TNRC18: variants seen among roughly 807,000 people sequenced by gnomAD.
The protein encoded by TNRC18 is trinucleotide repeat containing 18.
In TNRC18, 69 loss-of-function variants were observed where a neutral mutation model predicts 226.7. That is an observed-to-expected ratio of 0.30 (90% confidence interval 0.25 to 0.37). TNRC18 has a LOEUF of 0.37. Ranked by LOEUF, TNRC18 falls within the 10% of genes least tolerant of loss-of-function variation. The pLI is 1.00. For missense variants in TNRC18, 4,754 were observed against 4,256.6 expected (o/e 1.12, Z -3.25); for synonymous variants, 2,449 against 1,927.6 (o/e 1.27, Z -7.09).
At chr7:5,335,967 G>A (rs976735550) in intron 18 of TNRC18, among the ~76,000 whole-genome samples, 19 of 151,522 alleles carry the variant, frequency 1.3e-4, no homozygotes, top group African/African-American at 4.6e-4. Context: ...AGCACTTTGG[G>A]AGGCCAAGGC....
chr7:5,390,515 C>A lies in TNRC18; in HGVS notation c.457G>T (p.Asp153Tyr), dbSNP rs777770243. 6.2e-7 allele frequency: 1 copy of A among 1,613,658 alleles called. No individual in the cohort carries two copies. The highest frequency in any genetic ancestry group is 8.5e-7 in the Non-Finnish European group (1 of 1,179,812). The change falls in exon 4 of 30, where the codon GAT (aspartate) becomes TAT (tyrosine). Residue 153 changes from aspartate (D) to tyrosine (Y), a missense_variant. By Grantham distance (160) the Asp-to-Tyr change is radical. Transcript: ENST00000430969. ...CCTGGCCCCTGACCTTTCTGGGTAT[C>A]GAAAATGCTGGGCTGACCCAGCTGG... ...LSQLGQPSIF[D>Y]TQKGQGPGGD...
At chr7:5,330,058 C>A (rs908158514) in intron 19 of TNRC18, 10 of 464,936 alleles carry the variant, frequency 2.2e-5, no homozygotes, top group Non-Finnish European at 3.6e-5. Flanking sequence ...AGAACAGACA[C>A]TGTTAATGTG....
intron 17 of TNRC18, among the ~76,000 whole-genome samples, chr7:5,350,841 G>A (rs554717862): frequency 9.2e-5 from 14 of 152,252 alleles, no homozygotes; most frequent in South Asian, 4.1e-4. Context: ...AACAGAGCAC[G>A]ATGCTCCGTC....
chr7:5,330,924 C>T (rs1430179677), intron 19 of TNRC18, among the ~76,000 whole-genome samples: 2 of 152,200 alleles, frequency 1.3e-5, no homozygotes, highest in African/African-American at 2.4e-5. Flanking sequence ...ATCCACCCAC[C>T]TTGGCCTCCC....
chr7:5,343,300 G>A (rs1050336686), intron 18 of TNRC18, among the ~76,000 whole-genome samples: 3 of 152,124 alleles, frequency 2.0e-5, no homozygotes, highest in Non-Finnish European at 4.4e-5. Context: ...ATTGCAGTGA[G>A]CAGAGATCAC....
At position 5,394,331 on chromosome 7, in the gene TNRC18, A is replaced by T; in HGVS notation, c.343+109T>A. On this transcript the variant is annotated intron_variant, in intron 3 of 29. Transcript: ENST00000430969. This position sits in a 1 kb window ranked among gnomAD's most constrained non-coding sequence, Gnocchi z 4.5. ...CAACAGGGAAGCCAGGTGACCTGGG[A>T]CCCACCAGCCCCAGCTCAGCGATGA... is the stretch of plus-strand genomic sequence containing the variant. The T allele has an allele frequency of 9.2e-7, 1 of 1,083,540 alleles. No individual in the cohort carries two copies. Among genetic ancestry groups the T allele is most frequent in the Non-Finnish European group, 1.3e-6 (1 of 788,358 alleles). The allele number at this position is 1,083,540 out of a possible 1,614,324, so 67.1% of individuals were successfully genotyped here. A position where few individuals can be genotyped will look rare whatever the true frequency, so the allele number is the denominator to read the frequency against.
At chr7:5,316,705 G>A (rs1055140552) in intron 24 of TNRC18, among the ~76,000 whole-genome samples, 1 of 152,178 alleles carries the variant, frequency 6.6e-6, no homozygotes, top group Non-Finnish European at 1.5e-5. Flanking sequence ...AACCCTGAAG[G>A]ACACAAAGAA....
intron 17 of TNRC18, 100 bp from the exon 18 acceptor site, chr7:5,345,910 G>C (rs1447235350): frequency 6.9e-7 from 1 of 1,443,482 alleles, no homozygotes; most frequent in African/African-American, 1.4e-5. Flanking sequence ...CTCCAGCCTA[G>C]TCCCTCAGTC....
At chr7:5,398,069 T>C (rs1014776521) in intron 2 of TNRC18, among the ~76,000 whole-genome samples, 4 of 152,138 alleles carry the variant, frequency 2.6e-5, no homozygotes, top group African/African-American at 9.6e-5. Context: ...GGCTCGATCA[T>C]AGCTCGCTGC....
chr7:5,349,042 CA>C (rs1791507462), intron 17 of TNRC18, among the ~76,000 whole-genome samples: 1 of 152,178 alleles, frequency 6.6e-6, no homozygotes, highest in South Asian at 2.1e-4. Context: ...GCGCAGACTC[CA>C]GAAATCTTTC....
At position 5,377,253 on chromosome 7, in the gene TNRC18, G is replaced by GCAGGCC; in HGVS notation, c.2461+112_2461+117dup. 1 of 1,193,774 alleles carries GCAGGCC rather than the reference G, an allele frequency of 8.4e-7. No individual in the cohort carries two copies. Among genetic ancestry groups the GCAGGCC allele is most frequent in the Non-Finnish European group, 1.2e-6 (1 of 868,278 alleles). The allele number at this position is 1,193,774 out of a possible 1,614,324, so 73.9% of individuals were successfully genotyped here. ...TTCCTTCTTCCGACGAATGCGGGAGGCAGGCCCAGGCCCCCCAGGAAACGG... is the reference window on the plus strand; with the variant it reads ...TTCCTTCTTCCGACGAATGCGGGAGGCAGGCCCAGGCCCAGGCCCCCCAGGAAACGG... On this transcript the variant is annotated intron_variant, in intron 7 of 29. Transcript: ENST00000430969. This position sits in a 1 kb window ranked among gnomAD's most constrained non-coding sequence, Gnocchi z 5.8.
Position 5,307,794 on chromosome 7 carries a change from C to A in TNRC18, c.*312G>T. On this transcript the variant is annotated 3_prime_UTR_variant, in exon 30 of 30. Coordinates refer to ENST00000430969, the MANE Select transcript of TNRC18 (RefSeq NM_001080495.3). Reference sequence around the variant, plus strand: ...CCCCACGCAGCAGCAGCCTGGAGGGCCGGCCTGGCCAAGTGCTTGCAACGT... The same window carrying A: ...CCCCACGCAGCAGCAGCCTGGAGGGACGGCCTGGCCAAGTGCTTGCAACGT... The A allele has an allele frequency of 2.3e-6, 1 of 428,102 alleles. No individual in the cohort carries two copies. 26.5% of individuals were successfully genotyped at this position (428,102 alleles called of 1,614,324 possible). A position where few individuals can be genotyped will look rare whatever the true frequency, so the allele number is the denominator to read the frequency against.
At position 5,389,309 on chromosome 7, in the gene TNRC18, G is replaced by GC; in HGVS notation, c.514dup (p.Ala172GlyfsTer89). On this transcript the variant is annotated frameshift_variant, in exon 5 of 30. Coordinates refer to ENST00000430969, the MANE Select transcript of TNRC18 (RefSeq NM_001080495.3). LOFTEE classifies it high-confidence loss of function. The stretch of plus-strand genomic sequence containing the variant: ...CGCGTGAGAGTGCAGGGAGCCCGGA[G>GC]CCCCCGCGGTGGGCAGGTAGAAACC... 1 of 1,282,242 alleles carries GC rather than the reference G, an allele frequency of 7.8e-7. No individual in the cohort carries two copies. Among genetic ancestry groups the GC allele is most frequent in the Admixed American group, 3.9e-5 (1 of 25,700 alleles). The allele number at this position is 1,282,242 out of a possible 1,614,324, so 79.4% of individuals were successfully genotyped here.
At chr7:5,395,381 G>A (rs1780602323) in intron 2 of TNRC18, among the ~76,000 whole-genome samples, 1 of 152,226 alleles carries the variant, frequency 6.6e-6, no homozygotes, top group East Asian at 1.9e-4. Flanking sequence ...GCAGACTGCT[G>A]CTCAGAAACA....
At chr7:5,351,203 G>T (rs1373205088) in intron 17 of TNRC18, among the ~76,000 whole-genome samples, 1 of 152,050 alleles carries the variant, frequency 6.6e-6, no homozygotes, top group Non-Finnish European at 1.5e-5. Flanking sequence ...GGAGGGAGGG[G>T]AGGAGGTGGG....
In TNRC18 at chr7:5,387,904, G is replaced by A. The variant is rs1379047920; in HGVS notation, c.1920C>T (p.Ser640=). 2.5e-6 allele frequency: 4 copies of A among 1,592,098 alleles called. No homozygotes were observed. Among genetic ancestry groups the A allele is most frequent in the Admixed American group, 1.8e-5 (1 of 56,726 alleles). The part of the protein sequence containing the change: ...ASRAQARLPH[S]GGPAAGGGRQ... Reference sequence around the variant, plus strand: ...GGCCGCCGCCCGCTGCAGGGCCTCCGGAGTGTGGGAGACGGGCCTGGGCTC... The same window carrying A: ...GGCCGCCGCCCGCTGCAGGGCCTCCAGAGTGTGGGAGACGGGCCTGGGCTC... The change falls in exon 5 of 30, where the codon TCC becomes TCT. Residue 640 remains serine, a synonymous_variant. Coordinates refer to ENST00000430969, the MANE Select transcript of TNRC18 (RefSeq NM_001080495.3).
intron 19 of TNRC18, 44 bp downstream of exon 19, chr7:5,332,578 C>G: frequency 1.3e-6 from 2 of 1,497,356 alleles, no homozygotes; most frequent in Non-Finnish European, 1.8e-6. Flanking sequence ...CTCACGGAAC[C>G]CCAGGGACCC....
rs188606371 is a variant in TNRC18, at chr7:5,360,056, A to G, written c.4662-487T>C. Among the ~76,000 whole-genome samples the G allele has an allele frequency of 4.2e-3, 635 of 151,972 alleles. 3 individuals are homozygous for G. The highest frequency in any genetic ancestry group is 0.014 in the African/African-American group (591 of 41,462). ...TCCCGTGCGCAGTGGGGACACAGAC[A>G]TGGCTTAGAAGCCCCACTTGCTTGC... On this transcript the variant is annotated intron_variant, in intron 14 of 29. Coordinates refer to ENST00000430969, the MANE Select transcript of TNRC18 (RefSeq NM_001080495.3).
chr7:5,400,915 C>T (rs1242708333), intron 2 of TNRC18, among the ~76,000 whole-genome samples: 3 of 152,042 alleles, frequency 2.0e-5, no homozygotes, highest in Admixed American at 6.6e-5. Context: ...TGGTGGTGCA[C>T]GCCTGTAACC....
Sources: allele counts gnomAD v4.1 joint callset (sites outside exome capture counted in the v4.1 genomes callset), GRCh38; gene constraint gnomAD v4.1.1; non-coding constraint Gnocchi (gnomAD v3.1); transcripts MANE v1.5; gene names NCBI Gene and HGNC (gene_info 2026-07-23, HGNC 2026-07-21).